The following COA7 variants were observed in gnomAD, a reference collection of about 807,000 sequenced individuals.
COA7 encodes the protein cytochrome c oxidase assembly factor 7.
A neutral mutation model predicts 21.0 loss-of-function variants in COA7; 12 were observed. The observed-to-expected ratio is 0.57, with a 90% CI of 0.37 to 0.92. The LOEUF is 0.92. Among genes scored for constraint, COA7 ranks in the 40% least tolerant of loss-of-function variants. The pLI is 0.01. For synonymous variants in COA7, 95 were observed against 107.4 expected, an observed-to-expected ratio of 0.88 and a Z score of 0.72; for missense variants, 240 against 286.1, an observed-to-expected ratio of 0.84 and a Z score of 1.16.
intron 1 of COA7, chr1:52,698,001 C>A (rs953157379): frequency 9.0e-6 from 5 of 552,882 alleles, no homozygotes; most frequent in Non-Finnish European, 1.6e-5. Flanking sequence ...CAGTCCCTAA[C>A]CCAAAAGCCC....
chr1:52,687,798 C>T lies in COA7; in HGVS notation c.618G>A (p.Lys206=), dbSNP rs1644016844. 6.2e-7 allele frequency: 1 copy of T among 1,614,266 alleles called. No individual in the cohort carries two copies. The highest frequency in any genetic ancestry group is 8.5e-7 in the Non-Finnish European group (1 of 1,180,046). The change falls in exon 3 of 3, where the codon AAG becomes AAA. Residue 206 remains lysine, a synonymous_variant. Coordinates refer to ENST00000371538, the MANE Select transcript of COA7 (RefSeq NM_023077.3). ...GGGCTCGATTTTTTAGCACCTCGGC[C>T]TTGGCCTCATCCTTATCAACACCAT... ...LGDGVDKDEA[K]AEVLKNRAQQ... is the part of the protein sequence containing the mutation.
chr1:52,689,593 T>A (rs1644029635), intron 2 of COA7, among the ~76,000 whole-genome samples: 1 of 151,980 alleles, frequency 6.6e-6, no homozygotes, highest in South Asian at 2.1e-4. Context: ...AGTAATTGAT[T>A]TAAAATACAC....
rs759950795 is a variant in COA7 at position 52,692,750 on chromosome 1, C to T, written c.224G>A (p.Gly75Glu). 1 of 1,614,154 alleles carries T rather than the reference C, an allele frequency of 6.2e-7. No homozygotes were observed. The highest frequency in any genetic ancestry group is 1.1e-5 in the South Asian group (1 of 91,080). Residue 75 changes from glycine (G) to glutamate (E), a missense_variant, in exon 2 of 3, where the codon GGG (glycine) becomes GAG (glutamate). This residue lies in a region of COA7 where 163 missense variants were observed against 214.1 expected (regional missense o/e 0.76). Coordinates refer to ENST00000371538, the MANE Select transcript of COA7 (RefSeq NM_023077.3). Reference protein sequence around the residue: ...NQHSDSCYKLGAYYVTGKGGL... With the variant: ...NQHSDSCYKLEAYYVTGKGGL... The stretch of plus-strand genomic sequence containing the variant: ...ACCTTTTCCAGTCACATAGTAGGCC[C>T]CCAGTTTGTAGCAGCTATCACTGTG...
chr1:52,696,005 T>C (rs1284597882), intron 1 of COA7, among the ~76,000 whole-genome samples: 1 of 152,112 alleles, frequency 6.6e-6, no homozygotes, highest in African/African-American at 2.4e-5. Flanking sequence ...ACTTCAACCT[T>C]CCAAAAGATA....
chr1:52,693,950 C>G (rs143155015), intron 1 of COA7, among the ~76,000 whole-genome samples: 2 of 152,150 alleles, frequency 1.3e-5, no homozygotes, highest in African/African-American at 4.8e-5. Flanking sequence ...GGAGGAAATA[C>G]AATAAATAAA....
chr1:52,691,137 G>A (rs1372463367), intron 2 of COA7, among the ~76,000 whole-genome samples: 1 of 151,908 alleles, frequency 6.6e-6, no homozygotes, highest in Non-Finnish European at 1.5e-5. Flanking sequence ...GACATCCTTG[G>A]CCAGGTGCAG....
intron 2 of COA7, among the ~76,000 whole-genome samples, chr1:52,690,258 T>C (rs577165834): frequency 6.6e-6 from 1 of 151,952 alleles, no homozygotes; most frequent in African/African-American, 2.4e-5. Context: ...AAACTTCAAA[T>C]CTCCATGTAC....
At chr1:52,696,561 A>G (rs549665424) in intron 1 of COA7, among the ~76,000 whole-genome samples, 13 of 152,146 alleles carry the variant, frequency 8.5e-5, no homozygotes, top group Non-Finnish European at 1.6e-4. Context: ...GTTATGGTCT[A>G]TGTTACGGAT....
rs1169691946 is a variant in COA7 at position 52,685,375 on chromosome 1, T to G, written c.*2345A>C. On this transcript the variant is annotated 3_prime_UTR_variant, in exon 3 of 3. Transcript: ENST00000371538. ...TCCTGATGACATGTTATATGGAACA[T>G]CTTTTCATATGCTTATTTGCCACCT... 6.6e-6 allele frequency: 1 copy of G among 152,238 alleles called. No individual in the cohort carries two copies. The highest frequency in any genetic ancestry group is 1.5e-5 in the Non-Finnish European group (1 of 68,044). 9.4% of individuals were successfully genotyped at this position (152,238 alleles called of 1,614,324 possible). A position where few individuals can be genotyped will look rare whatever the true frequency, so the allele number is the denominator to read the frequency against.
At chr1:52,694,157 C>A (rs1330662063) in intron 1 of COA7, among the ~76,000 whole-genome samples, 1 of 152,110 alleles carries the variant, frequency 6.6e-6, no homozygotes, top group Non-Finnish European at 1.5e-5. Context: ...CTAACAGGTA[C>A]AAGTGCATTA....
chr1:52,691,331 C>T (rs1353609098), intron 2 of COA7, among the ~76,000 whole-genome samples: 2 of 151,458 alleles, frequency 1.3e-5, no homozygotes, highest in Non-Finnish European at 2.9e-5. Context: ...GGAGGATTGC[C>T]TGAGCCCAGG....
chr1:52,688,050 C>A lies in COA7; in HGVS notation c.366G>T (p.Gln122His), dbSNP rs746539781. ...AGTCAGGCTGGCCATCCTCATTAAC[C>A]TGTCCATCATGTGCCAGGAGGCCAA... ...HNVGLLAHDG[Q>H]VNEDGQPDLG... The change falls in exon 3 of 3, where the codon CAG becomes CAT. Residue 122 changes from glutamine to histidine, a missense_variant. Physicochemically the swap from Gln to His is conservative, Grantham distance 24 (BLOSUM62 0). Around this residue, in one of 3 missense-constraint regions of COA7, gnomAD observed 163 missense variants for 214.1 expected, o/e 0.76. Coordinates refer to ENST00000371538, the MANE Select transcript of COA7 (RefSeq NM_023077.3). The A allele has an allele frequency of 1.9e-6, 3 of 1,614,198 alleles. No individual in the cohort carries two copies. Among genetic ancestry groups the A allele is most frequent in the Non-Finnish European group, 1.7e-6 (2 of 1,180,032 alleles).
chr1:52,690,039 AG>A (rs1644033435), intron 2 of COA7, among the ~76,000 whole-genome samples: 1 of 68,656 alleles, frequency 1.5e-5, no homozygotes, highest in Non-Finnish European at 3.5e-5. Flanking sequence ...AAAAAAAAAA[AG>A]AAAAAAAAAA....
chr1:52,688,641 A>T (rs77795807), intron 2 of COA7, among the ~76,000 whole-genome samples: 2,866 of 152,290 alleles, frequency 0.019, 91 homozygotes, highest in African/African-American at 0.066. Context: ...GAGGCCAGGA[A>T]TTCGAGATCA....
chr1:52,694,154 G>A (rs1020655618), intron 1 of COA7, among the ~76,000 whole-genome samples: 3 of 152,114 alleles, frequency 2.0e-5, no homozygotes, highest in East Asian at 1.9e-4. Context: ...TACCTAACAG[G>A]TACAAGTGCA....
chr1:52,685,450 C>T lies in COA7; in HGVS notation c.*2270G>A, dbSNP rs986165983. On this transcript the variant is annotated 3_prime_UTR_variant, in exon 3 of 3. Coordinates refer to ENST00000371538, the MANE Select transcript of COA7 (RefSeq NM_023077.3). ...TTAAGGGTTTTGGCCTGTTTTTAAT[C>T]AGGTTGTTTTCTTACTGTTGAATTT... 1.3e-5 allele frequency: 2 copies of T among 152,148 alleles called. No individual in the cohort carries two copies. The highest frequency in any genetic ancestry group is 4.8e-5 in the African/African-American group (2 of 41,436). The allele number at this position is 152,148 out of a possible 1,614,324, so 9.4% of individuals were successfully genotyped here.
At position 52,692,727 on chromosome 1, in the gene COA7, C is replaced by CT; in HGVS notation, c.246dup (p.Gly83ArgfsTer19). The CT allele has an allele frequency of 6.2e-7, 1 of 1,614,174 alleles. No homozygotes were observed. The highest frequency in any genetic ancestry group is 1.1e-5 in the South Asian group (1 of 91,080). ...GACCCAAAAGGCAGGCCCTCCTTACCTTTTCCAGTCACATAGTAGGCCCCC... is the reference window on the plus strand; with the variant it reads ...GACCCAAAAGGCAGGCCCTCCTTACCTTTTTCCAGTCACATAGTAGGCCCCC... On this transcript the variant is annotated frameshift_variant and splice_region_variant, in exon 2 of 3. Coordinates refer to ENST00000371538, the MANE Select transcript of COA7 (RefSeq NM_023077.3). LOFTEE classifies it high-confidence loss of function.
chr1:52,698,245 A>C lies in COA7; in HGVS notation c.82T>G (p.Cys28Gly). 2 of 1,612,348 alleles carry C rather than the reference A, an allele frequency of 1.2e-6. No homozygotes were observed. The highest frequency in any genetic ancestry group is 1.7e-6 in the Non-Finnish European group (2 of 1,179,492). The change falls in exon 1 of 3, where the codon TGC becomes GGC. Residue 28 changes from cysteine to glycine, a missense_variant. By Grantham distance (159) the Cys-to-Gly change is radical (BLOSUM62 -3). This residue lies in a region of COA7 where 71 missense variants were observed against 54.7 expected (regional missense o/e 1.30). Transcript: ENST00000371538. ...CCGTCCGGGTCCTTCTCGTGGTAGCAGTGGTAGTTGCACTCCACCTCCATG... is the reference window on the plus strand; with the variant it reads ...CCGTCCGGGTCCTTCTCGTGGTAGCCGTGGTAGTTGCACTCCACCTCCATG... ...ENMEVECNYH[C>G]YHEKDPDGCY...
rs1041835977 is a variant in COA7, at chr1:52,687,547, T to C, written c.*173A>G. 1.8e-5 allele frequency: 11 copies of C among 626,580 alleles called. No homozygotes were observed. Among genetic ancestry groups the C allele is most frequent in the African/African-American group, 1.7e-4 (9 of 54,170 alleles). The allele number at this position is 626,580 out of a possible 1,614,324, so 38.8% of individuals were successfully genotyped here. ...AAAGGAATATTGACTGAAATAAACATTGTAGGCTATACTCCAGTAGCTGGG... is the reference window on the plus strand; with the variant it reads ...AAAGGAATATTGACTGAAATAAACACTGTAGGCTATACTCCAGTAGCTGGG... On this transcript the variant is annotated 3_prime_UTR_variant, in exon 3 of 3. Coordinates refer to ENST00000371538, the MANE Select transcript of COA7 (RefSeq NM_023077.3).
Sources: gnomAD v4.1 joint callset for allele counts (sites outside exome capture counted in the v4.1 genomes callset) on GRCh38, gnomAD v4.1.1 for gene constraint, gnomAD v4.1.1 regional missense constraint, MANE v1.5 for transcripts, NCBI Gene and HGNC (gene_info 2026-07-23, HGNC 2026-07-21) for gene names.